Variants in RAPGEF1 observed in about 807,000 individuals in gnomAD.
RAPGEF1 encodes Rap guanine nucleotide exchange factor 1.
RAPGEF1 carries 33 observed loss-of-function variants against 143.3 expected under a neutral mutation model. That is an observed-to-expected ratio of 0.23 (90% CI 0.17 to 0.31). RAPGEF1 has a LOEUF of 0.31. RAPGEF1 is among the 10% of genes least tolerant of loss of function. The pLI is 1.00. For missense variants in RAPGEF1, 1,199 were observed against 1,645.4 expected, an observed-to-expected ratio of 0.73 and a Z score of 4.69; for synonymous variants, 629 against 676.5, an observed-to-expected ratio of 0.93 and a Z score of 1.09.
At chr9:131,648,845 C>CA (rs1206343769) in intron 3 of RAPGEF1, among the ~76,000 whole-genome samples, 2 of 152,038 alleles carry the variant, frequency 1.3e-5, no homozygotes, top group Non-Finnish European at 2.9e-5. Context: ...ACATAAAACC[C>CA]AAAAATAGAT....
rs182098678 is a variant in RAPGEF1 at position 131,652,217 on chromosome 9, T to A, written c.62-1268A>T. Reference sequence around the variant, plus strand: ...TAACCTTAGCTTACTGTAACTTTTTTACTTTATAAACTTTTAATTTAAAAA... The same window carrying A: ...TAACCTTAGCTTACTGTAACTTTTTAACTTTATAAACTTTTAATTTAAAAA... On this transcript the variant is annotated intron_variant, in intron 1 of 26. Coordinates refer to ENST00000683357, the MANE Select transcript of RAPGEF1 (RefSeq NM_001377935.1). 7.2e-5 allele frequency among the ~76,000 whole-genome samples: 11 copies of A among 151,768 alleles called. No individual in the cohort carries two copies. The East Asian group carries it at 1.9e-3, about 27-fold the overall frequency.
intron 11 of RAPGEF1, among the ~76,000 whole-genome samples, chr9:131,620,172 T>C (rs1395017625): frequency 6.6e-6 from 1 of 152,080 alleles, no homozygotes; most frequent in East Asian, 1.9e-4. Flanking sequence ...TAGGGGTGTC[T>C]CCCCAAATAT....
chr9:131,715,315 G>A (rs1405216238), intron 1 of RAPGEF1, among the ~76,000 whole-genome samples: 1 of 152,156 alleles, frequency 6.6e-6, no homozygotes, highest in Non-Finnish European at 1.5e-5. Context: ...AATCTAAGCT[G>A]GAAGTCAGGG....
intron 1 of RAPGEF1, chr9:131,709,604 C>A: frequency 6.2e-7 from 1 of 1,612,328 alleles, no homozygotes; most frequent in Non-Finnish European, 8.5e-7. Context: ...GGAAAGGAAG[C>A]CCAGGGCTTT....
At chr9:131,702,124 G>C (rs1834699340) in intron 1 of RAPGEF1, among the ~76,000 whole-genome samples, 1 of 152,226 alleles carries the variant, frequency 6.6e-6, no homozygotes, top group Non-Finnish European at 1.5e-5. Flanking sequence ...TATGCAGTTA[G>C]GGAAATGGTT....
At chr9:131,681,642 A>C (rs1832917792) in intron 1 of RAPGEF1, among the ~76,000 whole-genome samples, 1 of 152,166 alleles carries the variant, frequency 6.6e-6, no homozygotes, top group African/African-American at 2.4e-5. Context: ...GCTTCCATTC[A>C]GGCTGCTCGC....
chr9:131,678,886 C>T (rs1453514591), intron 1 of RAPGEF1, among the ~76,000 whole-genome samples: 2 of 152,190 alleles, frequency 1.3e-5, no homozygotes, highest in African/African-American at 4.8e-5. Context: ...AGAGCCAGGA[C>T]TACACAGGGG....
chr9:131,653,183 T>C (rs1205945795), intron 1 of RAPGEF1, among the ~76,000 whole-genome samples: 2 of 152,226 alleles, frequency 1.3e-5, no homozygotes, highest in African/African-American at 4.8e-5. Context: ...GTCCCTTATA[T>C]AAAACAGTGG....
intron 1 of RAPGEF1, among the ~76,000 whole-genome samples, chr9:131,703,288 T>A (rs191071126): frequency 1.0e-3 from 153 of 152,328 alleles, no homozygotes; most frequent in Non-Finnish European, 1.8e-3. Flanking sequence ...GTGTGAGCCA[T>A]CATGCCCGGT....
At chr9:131,619,635 A>G (rs1158356639) in intron 11 of RAPGEF1, among the ~76,000 whole-genome samples, 1 of 152,186 alleles carries the variant, frequency 6.6e-6, no homozygotes, top group African/African-American at 2.4e-5. Context: ...GGCCTTGGGC[A>G]CTACTTAAAG....
At chr9:131,610,419 T>A (rs1416177444) in intron 12 of RAPGEF1, among the ~76,000 whole-genome samples, 1 of 152,194 alleles carries the variant, frequency 6.6e-6, no homozygotes, top group African/African-American at 2.4e-5. Context: ...TACAGCGAAA[T>A]GTGGTCATGT....
At chr9:131,708,690 A>G (rs1268120373) in intron 1 of RAPGEF1, among the ~76,000 whole-genome samples, 1 of 152,136 alleles carries the variant, frequency 6.6e-6, no homozygotes, top group Admixed American at 6.5e-5. Flanking sequence ...CAAAAGCCTC[A>G]AACTCCTAGA....
intron 5 of RAPGEF1, among the ~76,000 whole-genome samples, chr9:131,636,855 G>A (rs1966494088): frequency 1.3e-5 from 2 of 152,150 alleles, no homozygotes; most frequent in Admixed American, 6.5e-5. Context: ...CATCAGCTCT[G>A]ATCACAACAG....
chr9:131,678,497 C>A (rs1832628334), intron 1 of RAPGEF1, among the ~76,000 whole-genome samples: 1 of 152,232 alleles, frequency 6.6e-6, no homozygotes, highest in Non-Finnish European at 1.5e-5. Flanking sequence ...CTTAGAGAAT[C>A]TAAACCACTA....
At chr9:131,610,448 G>A (rs963936276) in intron 12 of RAPGEF1, among the ~76,000 whole-genome samples, 3 of 152,208 alleles carry the variant, frequency 2.0e-5, no homozygotes, top group Admixed American at 2.0e-4. Context: ...GGATTCACTG[G>A]CATGGTGAAG....
chr9:131,625,160 T>C (rs1167012533), intron 10 of RAPGEF1, among the ~76,000 whole-genome samples: 1 of 152,172 alleles, frequency 6.6e-6, no homozygotes, highest in East Asian at 1.9e-4. Flanking sequence ...ACCACACACA[T>C]TGAAACGGTG....
At chr9:131,728,255 T>C (rs910349434) in intron 1 of RAPGEF1, among the ~76,000 whole-genome samples, 2 of 152,202 alleles carry the variant, frequency 1.3e-5, no homozygotes, top group Non-Finnish European at 2.9e-5. Flanking sequence ...TAAGTTACTT[T>C]GTACACGAGG....
Position 131,579,124 on chromosome 9 carries a change from C to G in RAPGEF1, c.*373G>C. On this transcript the variant is annotated 3_prime_UTR_variant, in exon 27 of 27. Transcript: ENST00000683357. ...CCCTGGAGCTTAGGGAGGGGGAGCACCCACCACTTCCTTGGTCTGCTGATG... is the reference window on the plus strand; with the variant it reads ...CCCTGGAGCTTAGGGAGGGGGAGCAGCCACCACTTCCTTGGTCTGCTGATG... The G allele has an allele frequency of 5.4e-6, 1 of 185,900 alleles. No homozygotes were observed. The highest frequency in any genetic ancestry group is 5.6e-5 in the Admixed American group (1 of 17,780). 11.5% of individuals were successfully genotyped at this position (185,900 alleles called of 1,614,324 possible). A position where few individuals can be genotyped will look rare whatever the true frequency, so the allele number is the denominator to read the frequency against.
intron 1 of RAPGEF1, among the ~76,000 whole-genome samples, chr9:131,695,219 T>C (rs34842588): frequency 0.23 from 34,923 of 152,040 alleles, 4,602 homozygotes; most frequent in Non-Finnish European, 0.3. Flanking sequence ...CTCTCATAAT[T>C]CGGAAGCACA....
Sources: gnomAD v4.1 joint callset for allele counts (sites outside exome capture counted in the v4.1 genomes callset) on GRCh38, gnomAD v4.1.1 for gene constraint, MANE v1.5 for transcripts, NCBI Gene and HGNC (gene_info 2026-07-23, HGNC 2026-07-21) for gene names.